The following TAF15 variants were observed in gnomAD, a reference collection of about 807,000 sequenced individuals.
The protein encoded by TAF15 is TATA-binding protein-associated factor 2N.
TAF15 carries 37 observed loss-of-function variants against 102.5 expected under a neutral mutation model. The observed-to-expected ratio is 0.36, with a 90% CI of 0.28 to 0.47. The LOEUF is 0.47. TAF15 is among the 20% of genes least tolerant of loss of function. The probability of loss-of-function intolerance (pLI) is 0.99; values close to 1 mark genes in which losing one functional copy is unlikely to be tolerated. For synonymous variants in TAF15, 273 were observed against 259.2 expected (o/e 1.05, Z -0.51); for missense variants, 652 against 760.7 (o/e 0.86, Z 1.68).
intron 1 of TAF15, among the ~76,000 whole-genome samples, chr17:35,815,619 G>A (rs1317614913): frequency 6.6e-6 from 1 of 152,136 alleles, no homozygotes. Flanking sequence ...TATGTATTTT[G>A]TCACTGGGAG....
At chr17:35,809,734 G>A in intron 1 of TAF15, 158 bp downstream of exon 1, 1 of 970,970 alleles carries the variant, frequency 1.0e-6, no homozygotes, top group Non-Finnish European at 1.6e-6. Flanking sequence ...TTGAACTGGA[G>A]GCACGCACGC....
At chr17:35,812,583 CAAAAA>C (rs34497840) in intron 1 of TAF15, among the ~76,000 whole-genome samples, 4 of 66,278 alleles carry the variant, frequency 6.0e-5, no homozygotes, top group South Asian at 5.5e-4. Flanking sequence ...AACTCTATCT[CAAAAA>C]AAAAAAAAAA....
intron 3 of TAF15, 36 bp from the exon 4 acceptor site, chr17:35,820,128 T>A: frequency 6.2e-7 from 1 of 1,613,312 alleles, no homozygotes; most frequent in Non-Finnish European, 8.5e-7. Context: ...TTATCTTAAG[T>A]AGGTGATGAA....
At chr17:35,839,831 T>TA (rs1229119434) in intron 11 of TAF15, among the ~76,000 whole-genome samples, 2 of 152,162 alleles carry the variant, frequency 1.3e-5, no homozygotes, top group African/African-American at 4.8e-5. Flanking sequence ...AGTTTTGTCT[T>TA]ACGGTATTTT....
intron 1 of TAF15, among the ~76,000 whole-genome samples, chr17:35,814,051 G>T (rs2087161257): frequency 6.6e-6 from 1 of 151,820 alleles, no homozygotes; most frequent in Non-Finnish European, 1.5e-5. Context: ...GACAACAGGT[G>T]CACACTGCCT....
intron 2 of TAF15, among the ~76,000 whole-genome samples, chr17:35,818,921 A>T (rs1598521843): frequency 1.3e-5 from 2 of 152,112 alleles, no homozygotes; most frequent in East Asian, 1.9e-4. Context: ...ACATTTTTTT[A>T]AAATACCATA....
At chr17:35,812,597 A>C (rs1391355318) in intron 1 of TAF15, among the ~76,000 whole-genome samples, 5 of 151,818 alleles carry the variant, frequency 3.3e-5, no homozygotes, top group South Asian at 4.2e-4. Flanking sequence ...AAAAAAAAAA[A>C]AAAAAAAAAC....
At position 35,844,483 on chromosome 17, in the gene TAF15, G is replaced by A. The variant is rs71381481; in HGVS notation, c.1184G>A (p.Arg395Gln). 87 of 1,613,480 alleles carry A rather than the reference G, an allele frequency of 5.4e-5. No homozygotes were observed. The highest frequency in any genetic ancestry group is 2.7e-4 in the African/African-American group (20 of 74,994). ...TTGCATTTCTACCTTGCAGATTTCC[G>A]GGGGAGAGGCTACGGTGGAGAGAGG... Reference protein sequence around the residue: ...EDSRPSGGDFRGRGYGGERGY... With the variant: ...EDSRPSGGDFQGRGYGGERGY... The change falls in exon 15 of 16, where the codon CGG becomes CAG. Residue 395 changes from arginine (R) to glutamine (Q), a missense_variant. Around this residue, in one of 3 missense-constraint regions of TAF15, gnomAD observed 368 missense variants for 367.5 expected, o/e 1.00. Transcript: ENST00000605844.
In TAF15 at chr17:35,833,589, G is replaced by A. The variant is rs185951865; in HGVS notation, c.606-318G>A. Reference sequence around the variant, plus strand: ...TGGAAAAAATACTTACTCTAGTTTAGTATTTTTCATGCTGTGCCTCCAGCT... The same window carrying A: ...TGGAAAAAATACTTACTCTAGTTTAATATTTTTCATGCTGTGCCTCCAGCT... On this transcript the variant is annotated intron_variant, in intron 7 of 15. Transcript: ENST00000605844. The A allele has an allele frequency of 1.4e-3, 353 of 246,834 alleles. 1 individual carries two copies. Among genetic ancestry groups the A allele is most frequent in the Middle Eastern group, 2.7e-3 (2 of 744 alleles). The allele number at this position is 246,834 out of a possible 1,614,324, so 15.3% of individuals were successfully genotyped here.
At chr17:35,810,589 T>G (rs1162177080) in intron 1 of TAF15, 2 of 152,228 alleles carry the variant, frequency 1.3e-5, no homozygotes, top group African/African-American at 4.8e-5. Flanking sequence ...GAGAGTTAGA[T>G]ACCAGTTTTC....
intron 1 of TAF15, 132 bp downstream of exon 1, chr17:35,809,708 CGCT>C: frequency 2.4e-6 from 3 of 1,235,102 alleles, no homozygotes; most frequent in Non-Finnish European, 3.5e-6. Flanking sequence ...GGGGGGCGGC[CGCT>C]GCCGCCGCCA....
rs1421107593 is a variant in TAF15 at position 35,822,752 on chromosome 17, T to G, written c.403T>G (p.Tyr135Asp). 6 of 1,614,058 alleles carry G rather than the reference T, an allele frequency of 3.7e-6. No homozygotes were observed. Among genetic ancestry groups the G allele is most frequent in the Non-Finnish European group, 5.1e-6 (6 of 1,180,042 alleles). ...HQGSYDEQSNYDQQHDSYSQN... is the reference protein window; with the variant it reads ...HQGSYDEQSNDDQQHDSYSQN... ...AGGCTCATATGATGAGCAGTCAAAT[T>G]ATGATCAGCAGCATGATTCCTATAG... The change falls in exon 6 of 16, where the codon TAT (tyrosine) becomes GAT (aspartate). Residue 135 changes from tyrosine to aspartate, a missense_variant. Physicochemically the swap from Tyr to Asp is radical, Grantham distance 160. Around this residue, in one of 3 missense-constraint regions of TAF15, gnomAD observed 243 missense variants for 284.1 expected, o/e 0.86. Coordinates refer to ENST00000605844, the MANE Select transcript of TAF15 (RefSeq NM_139215.3).
intron 1 of TAF15, among the ~76,000 whole-genome samples, chr17:35,816,215 C>T (rs1304107923): frequency 6.6e-6 from 1 of 152,108 alleles, no homozygotes; most frequent in African/African-American, 2.4e-5. Context: ...TTGGTATCAC[C>T]CACTTATATT....
chr17:35,815,674 T>C (rs2087186827), intron 1 of TAF15, among the ~76,000 whole-genome samples: 1 of 152,226 alleles, frequency 6.6e-6, no homozygotes, highest in South Asian at 2.1e-4. Context: ...TAAAGCTTCA[T>C]GCATCCACAA....
chr17:35,846,886 T>C lies in TAF15; in HGVS notation c.1740-20T>C. 1 of 1,614,114 alleles carries C rather than the reference T, an allele frequency of 6.2e-7. No homozygotes were observed. On this transcript the variant is annotated intron_variant, in intron 15 of 15. Coordinates refer to ENST00000605844, the MANE Select transcript of TAF15 (RefSeq NM_139215.3). Reference sequence around the variant, plus strand: ...GTAGAAAATTAGAATTTAGTCCGGCTCTTTATTTTTCATTCCTAGAAACGA... The same window carrying C: ...GTAGAAAATTAGAATTTAGTCCGGCCCTTTATTTTTCATTCCTAGAAACGA...
intron 1 of TAF15, among the ~76,000 whole-genome samples, chr17:35,814,178 T>G (rs2087163343): frequency 6.6e-6 from 1 of 152,076 alleles, no homozygotes; most frequent in African/African-American, 2.4e-5. Flanking sequence ...GTGATTTTTT[T>G]TTTTTGAGAT....
At chr17:35,826,633 C>T (rs918348630) in intron 7 of TAF15, among the ~76,000 whole-genome samples, 5 of 150,028 alleles carry the variant, frequency 3.3e-5, no homozygotes, top group Non-Finnish European at 5.9e-5. Flanking sequence ...TCTCAGTTTA[C>T]TGCAACCTCC....
intron 11 of TAF15, among the ~76,000 whole-genome samples, 194 bp downstream of exon 11, chr17:35,838,747 T>C (rs1344282814): frequency 1.3e-5 from 2 of 152,242 alleles, no homozygotes; most frequent in African/African-American, 2.4e-5. Context: ...TATTTCGTTA[T>C]ATCATGCCTT....
chr17:35,833,860 A>T (rs748246904), intron 7 of TAF15, 47 bp from the exon 8 acceptor site: 14 of 1,602,578 alleles, frequency 8.7e-6, no homozygotes, highest in Non-Finnish European at 1.1e-5. Flanking sequence ...GGCTCAGCAC[A>T]TTAGAGACTT....
Sources: gnomAD v4.1 joint callset for allele counts (sites outside exome capture counted in the v4.1 genomes callset) on GRCh38, gnomAD v4.1.1 for gene constraint, gnomAD v4.1.1 regional missense constraint, MANE v1.5 for transcripts, NCBI Gene and HGNC (gene_info 2026-07-23, HGNC 2026-07-21) for gene names.